GPC6: variants seen among roughly 807,000 people sequenced by gnomAD.
The protein encoded by GPC6 is glypican 6, also known as glypican-6.
A neutral mutation model predicts 55.2 loss-of-function variants in GPC6; 14 were observed. That is an observed-to-expected ratio of 0.25 (90% CI 0.17 to 0.40). The LOEUF is 0.40. Ranked by LOEUF, GPC6 falls within the 10% of genes least tolerant of loss-of-function variation. The pLI is 1.00. For missense variants in GPC6, 641 were observed against 708.5 expected (o/e 0.90, Z 1.08); for synonymous variants, 278 against 259.6 (o/e 1.07, Z -0.68).
intron 4 of GPC6, among the ~76,000 whole-genome samples, chr13:94,208,753 CAAAAAAAAAAAAA>C (rs762261930): frequency 5.0e-4 from 18 of 36,228 alleles, no homozygotes; most frequent in Non-Finnish European, 2.6e-4. Flanking sequence ...TCCCATCTCC[CAAAAAAAAAAAAA>C]AAAAAAAAAA....
At chr13:93,534,202 G>T (rs1407014370) in intron 1 of GPC6, among the ~76,000 whole-genome samples, 1 of 152,136 alleles carries the variant, frequency 6.6e-6, no homozygotes, top group Non-Finnish European at 1.5e-5. Context: ...TCAAGAAAAA[G>T]AAATATTTTT....
chr13:93,334,709 C>T (rs767846235), intron 1 of GPC6, among the ~76,000 whole-genome samples: 114 of 152,292 alleles, frequency 7.5e-4, no homozygotes, highest in Non-Finnish European at 1.3e-3. Context: ...TCAGGTGATT[C>T]GCCTGCCTCA....
intron 2 of GPC6, among the ~76,000 whole-genome samples, chr13:93,581,587 G>A (rs1471022028): frequency 6.6e-6 from 1 of 152,078 alleles, no homozygotes; most frequent in East Asian, 1.9e-4. Flanking sequence ...CACTCCTGTA[G>A]TCTTAGCTAC....
intron 4 of GPC6, among the ~76,000 whole-genome samples, chr13:94,110,567 G>C (rs1886211139): frequency 6.6e-6 from 1 of 152,016 alleles, no homozygotes. Context: ...GGAGGGGTTA[G>C]AAAATAACAG....
chr13:94,103,454 A>G (rs1020588192), intron 4 of GPC6, among the ~76,000 whole-genome samples: 3 of 152,170 alleles, frequency 2.0e-5, no homozygotes, highest in African/African-American at 7.2e-5. Context: ...TCCTTGAGGA[A>G]TTGCCACACT....
chr13:93,386,051 C>A (rs1208063406), intron 1 of GPC6, among the ~76,000 whole-genome samples: 1 of 149,422 alleles, frequency 6.7e-6, no homozygotes, highest in Non-Finnish European at 1.5e-5. Context: ...ATAGAGCACC[C>A]TCACTGGGTA....
intron 2 of GPC6, among the ~76,000 whole-genome samples, chr13:93,623,545 G>A (rs151103490): frequency 0.034 from 4,835 of 142,576 alleles, 442 homozygotes; most frequent in East Asian, 0.33. Flanking sequence ...TGCAAGCTCC[G>A]CCTCCTGGGT....
At chr13:93,465,990 T>A (rs114069393) in intron 1 of GPC6, among the ~76,000 whole-genome samples, 3,121 of 152,222 alleles carry the variant, frequency 0.021, 117 homozygotes, top group African/African-American at 0.071. Flanking sequence ...GAACGGCTGG[T>A]TGATAGACCA....
chr13:93,258,962 A>G (rs1014389288), intron 1 of GPC6, among the ~76,000 whole-genome samples: 1 of 152,058 alleles, frequency 6.6e-6, no homozygotes, highest in Non-Finnish European at 1.5e-5. Flanking sequence ...AAAATGAACA[A>G]TAACAAAAAC....
chr13:93,637,994 A>T (rs932203002), intron 2 of GPC6, among the ~76,000 whole-genome samples: 5 of 152,116 alleles, frequency 3.3e-5, no homozygotes, highest in Admixed American at 2.0e-4. Context: ...AATAAAAAAT[A>T]ATAAATTATA....
intron 1 of GPC6, among the ~76,000 whole-genome samples, chr13:93,344,631 C>T (rs1189366083): frequency 6.6e-6 from 1 of 152,162 alleles, no homozygotes; most frequent in African/African-American, 2.4e-5. Flanking sequence ...TGTCCTATTT[C>T]CACTATTGAA....
intron 2 of GPC6, among the ~76,000 whole-genome samples, chr13:93,617,487 G>T (rs145941578): frequency 5.0e-4 from 76 of 152,166 alleles, no homozygotes; most frequent in African/African-American, 1.7e-3. Context: ...ATCAGAGCAG[G>T]TTGAGCAGAC....
At chr13:94,076,917 C>A (rs1884934437) in intron 4 of GPC6, among the ~76,000 whole-genome samples, 1 of 149,494 alleles carries the variant, frequency 6.7e-6, no homozygotes, top group South Asian at 2.1e-4. Context: ...AGTGTGATGC[C>A]TCCAGCTTTG....
chr13:94,209,523 T>C (rs139438051), intron 4 of GPC6, among the ~76,000 whole-genome samples: 2,237 of 152,250 alleles, frequency 0.015, 27 homozygotes, highest in Non-Finnish European at 0.024. Context: ...CCTGCAGAAA[T>C]ACGCCATAAA....
chr13:94,272,463 CTTTTTT>C (rs555664508), intron 4 of GPC6, among the ~76,000 whole-genome samples: 2,643 of 85,642 alleles, frequency 0.031, 29 homozygotes, highest in Middle Eastern at 0.093. Context: ...CTTTTCTTTT[CTTTTTT>C]TTTTTTTTTT....
chr13:94,164,997 A>T (rs1888304511), intron 4 of GPC6, among the ~76,000 whole-genome samples: 2 of 151,808 alleles, frequency 1.3e-5, no homozygotes, highest in Admixed American at 6.6e-5. Context: ...GAGATTTTTT[A>T]AAGAACTAAA....
intron 3 of GPC6, among the ~76,000 whole-genome samples, chr13:94,026,079 C>A (rs1274951182): frequency 3.9e-5 from 6 of 152,100 alleles, no homozygotes; most frequent in Non-Finnish European, 7.4e-5. Context: ...AAGTCTTTCA[C>A]CTATTCTGCA....
At chr13:94,058,739 A>G (rs973810826) in intron 4 of GPC6, among the ~76,000 whole-genome samples, 2 of 152,200 alleles carry the variant, frequency 1.3e-5, no homozygotes, top group African/African-American at 4.8e-5. Context: ...AGCTACTGTC[A>G]TTGAATGATG....
intron 4 of GPC6, among the ~76,000 whole-genome samples, chr13:94,175,663 T>C (rs1030729166): frequency 6.6e-6 from 1 of 151,990 alleles, no homozygotes; most frequent in Non-Finnish European, 1.5e-5. Flanking sequence ...TTTGCTAATA[T>C]TTAGTATAGC....
Sources: allele counts gnomAD v4.1 joint callset (sites outside exome capture counted in the v4.1 genomes callset), GRCh38; gene constraint gnomAD v4.1.1; transcripts MANE v1.5; gene names NCBI Gene and HGNC (gene_info 2026-07-23, HGNC 2026-07-21).